The following CATSPERE variants were observed in gnomAD, a reference collection of about 807,000 sequenced individuals.
The protein encoded by CATSPERE is catsper channel auxiliary subunit epsilon, also known as cation channel sperm-associated auxiliary subunit epsilon.
In CATSPERE, 93 loss-of-function variants were observed where a neutral mutation model predicts 114.1. The ratio of observed to expected loss-of-function variants is 0.81; its 90% CI spans 0.69 to 0.97. CATSPERE has a LOEUF of 0.97. Among genes scored for constraint, CATSPERE ranks in the 50% least tolerant of loss-of-function variants. The pLI, the probability that CATSPERE is intolerant of heterozygous loss-of-function variation, is 0.00. For synonymous variants in CATSPERE, 341 were observed against 384.1 expected, an observed-to-expected ratio of 0.89 and a Z score of 1.31; for missense variants, 1,058 against 1,131.6, an observed-to-expected ratio of 0.93 and a Z score of 0.93.
intron 5 of CATSPERE, among the ~76,000 whole-genome samples, chr1:244,487,462 G>A (rs1671284313): frequency 6.6e-6 from 1 of 152,084 alleles, no homozygotes; most frequent in Non-Finnish European, 1.5e-5. Context: ...CTCTACACTG[G>A]GCCATGCTAG....
chr1:244,485,494 A>G (rs1296549258), intron 5 of CATSPERE, among the ~76,000 whole-genome samples: 1 of 151,876 alleles, frequency 6.6e-6, no homozygotes, highest in Non-Finnish European at 1.5e-5. Context: ...CTTTTTAAAT[A>G]TTCGTTCTCC....
chr1:244,492,016 CA>C (rs1308814232), intron 6 of CATSPERE, among the ~76,000 whole-genome samples: 1 of 152,068 alleles, frequency 6.6e-6, no homozygotes, highest in Non-Finnish European at 1.5e-5. Context: ...ACCTGAGGTA[CA>C]AGGAGGAGCT....
rs151174315 is a variant in CATSPERE, at chr1:244,619,073, G to A, written c.2648+1387G>A. 2.1e-3 allele frequency among the ~76,000 whole-genome samples: 321 copies of A among 152,286 alleles called. 2 individuals carry two copies. Among genetic ancestry groups the A allele is most frequent in the African/African-American group, 7.2e-3 (301 of 41,562 alleles). On this transcript the variant is annotated intron_variant, in intron 20 of 21. Coordinates refer to ENST00000366534, the MANE Select transcript of CATSPERE (RefSeq NM_001130957.2). ...GTATTGAGATAAGAGTTCTGACTTTGAATTTGAGGGGACAATGAGACATCT... is the reference window on the plus strand; with the variant it reads ...GTATTGAGATAAGAGTTCTGACTTTAAATTTGAGGGGACAATGAGACATCT...
intron 8 of CATSPERE, among the ~76,000 whole-genome samples, chr1:244,545,212 T>G (rs1016291812): frequency 6.6e-6 from 1 of 152,208 alleles, no homozygotes; most frequent in African/African-American, 2.4e-5. Context: ...TGCAGTCCAG[T>G]GGCATGAGAC....
At chr1:244,626,276 A>G (rs1036947596) in intron 20 of CATSPERE, among the ~76,000 whole-genome samples, 1 of 151,926 alleles carries the variant, frequency 6.6e-6, no homozygotes, top group South Asian at 2.1e-4. Context: ...GCCTGGGATC[A>G]GGAGTTCGAA....
chr1:244,545,154 G>GA (rs1371463057), intron 8 of CATSPERE, among the ~76,000 whole-genome samples: 7 of 152,134 alleles, frequency 4.6e-5, no homozygotes, highest in Non-Finnish European at 5.9e-5. Flanking sequence ...AAAGAGTGAA[G>GA]AAAAAATCCA....
rs375105217 is a variant in CATSPERE at position 244,560,722 on chromosome 1, G to A, written c.1084G>A (p.Gly362Arg). The A allele has an allele frequency of 1.1e-5, 17 of 1,613,470 alleles. No homozygotes were observed. The highest frequency in any genetic ancestry group is 6.6e-5 in the South Asian group (6 of 90,974). Residue 362 changes from glycine to arginine, a missense_variant, in exon 10 of 22, where the codon GGA (glycine) becomes AGA (arginine). Coordinates refer to ENST00000366534, the MANE Select transcript of CATSPERE (RefSeq NM_001130957.2). ...AVWTENEIYL[G>R]SILLKFARLV... ...CTGGACAGAAAATGAAATTTACCTC[G>A]GATCCATTCTTCTTAAGTTTGCCAG...
chr1:244,491,353 A>C (rs1672123414), intron 6 of CATSPERE, among the ~76,000 whole-genome samples: 9 of 152,198 alleles, frequency 5.9e-5, no homozygotes, highest in Admixed American at 5.9e-4. Context: ...TACTGGGTAC[A>C]TAACGAAATG....
At chr1:244,621,221 T>TTATATAGATATATC (rs1672264028) in intron 20 of CATSPERE, among the ~76,000 whole-genome samples, 1 of 69,222 alleles carries the variant, frequency 1.4e-5, no homozygotes, top group African/African-American at 7.0e-5. Flanking sequence ...ATATATATAT[T>TTATATAGATATATC]TATATAAATA....
intron 8 of CATSPERE, among the ~76,000 whole-genome samples, chr1:244,544,369 G>A (rs1031020073): frequency 2.0e-5 from 3 of 152,080 alleles, no homozygotes; most frequent in African/African-American, 2.4e-5. Flanking sequence ...ATCAGAATGC[G>A]GGCTTATGGA....
rs746126331 is a variant in CATSPERE, at chr1:244,518,575, T to A, written c.430-17T>A. ...CTATGAAAATAATAAAAAATGAAAT[T>A]TAATTTGTTTTTACAGAATTCCATA... is the stretch of plus-strand genomic sequence containing the variant. On this transcript the variant is annotated splice_polypyrimidine_tract_variant and intron_variant, in intron 7 of 21. Coordinates refer to ENST00000366534, the MANE Select transcript of CATSPERE (RefSeq NM_001130957.2). 7 of 1,408,700 alleles carry A rather than the reference T, an allele frequency of 5.0e-6. No homozygotes were observed. The highest frequency in any genetic ancestry group is 7.0e-6 in the Non-Finnish European group (7 of 999,058). The allele number at this position is 1,408,700 out of a possible 1,614,324, so 87.3% of individuals were successfully genotyped here.
chr1:244,518,660 G>T lies in CATSPERE; in HGVS notation c.498G>T (p.Lys166Asn), dbSNP rs749284761. The change falls in exon 8 of 22, where the codon AAG (lysine) becomes AAT (asparagine). Residue 166 changes from lysine (K) to asparagine (N), a missense_variant. This residue lies in a region of CATSPERE where 271 missense variants were observed against 225.9 expected (regional missense o/e 1.20). Coordinates refer to ENST00000366534, the MANE Select transcript of CATSPERE (RefSeq NM_001130957.2). ...GQKPVIHTVL[K>N]RKVYSSNEKM... Reference sequence around the variant, plus strand: ...AGCCTGTCATACATACAGTTCTGAAGAGAAAAGTTTATTCTTCAAATGAGA... The same window carrying T: ...AGCCTGTCATACATACAGTTCTGAATAGAAAAGTTTATTCTTCAAATGAGA... 2.5e-6 allele frequency: 4 copies of T among 1,585,848 alleles called. No individual in the cohort carries two copies. The highest frequency in any genetic ancestry group is 1.7e-5 in the Admixed American group (1 of 57,158).
In CATSPERE at chr1:244,508,592, C is replaced by T. The variant is rs550089707; in HGVS notation, c.429+9513C>T. Among the ~76,000 whole-genome samples the T allele has an allele frequency of 4.5e-4, 69 of 151,698 alleles. 2 individuals carry two copies. In the South Asian group the frequency reaches 0.012, roughly 27 times the overall value. On this transcript the variant is annotated intron_variant, in intron 7 of 21. Coordinates refer to ENST00000366534, the MANE Select transcript of CATSPERE (RefSeq NM_001130957.2). The stretch of plus-strand genomic sequence containing the variant: ...CTGGGATTACAGGCGTGAGCCACTG[C>T]GCCTGGCCAGAAACACTACTGTTTT...
rs1191864349 is a variant in CATSPERE at position 244,504,961 on chromosome 1, G to T, written c.429+5882G>T. ...AATATTTTTGGAATTCTTATTTTAT[G>T]GCAAACTTGTCTTATCCCTGATTTA... On this transcript the variant is annotated intron_variant, in intron 7 of 21. Coordinates refer to ENST00000366534, the MANE Select transcript of CATSPERE (RefSeq NM_001130957.2). This position sits in a 1 kb window ranked among gnomAD's most constrained non-coding sequence, Gnocchi z 4.1. Among the ~76,000 whole-genome samples, 1 of 152,028 alleles carries T rather than the reference G, an allele frequency of 6.6e-6. No individual in the cohort carries two copies. Among genetic ancestry groups the T allele is most frequent in the Non-Finnish European group, 1.5e-5 (1 of 68,016 alleles).
At chr1:244,493,834 A>G (rs1386185907) in intron 6 of CATSPERE, among the ~76,000 whole-genome samples, 7 of 152,218 alleles carry the variant, frequency 4.6e-5, no homozygotes, top group East Asian at 1.9e-4. Context: ...TATGCAGCCA[A>G]AAAACACATG....
intron 8 of CATSPERE, among the ~76,000 whole-genome samples, chr1:244,525,880 C>T (rs1217502447): frequency 6.6e-6 from 1 of 150,882 alleles, no homozygotes; most frequent in African/African-American, 2.5e-5. Context: ...GGCTTAACAA[C>T]AAAAAAAATT....
chr1:244,532,975 A>G (rs1466141897), intron 8 of CATSPERE, among the ~76,000 whole-genome samples: 1 of 147,950 alleles, frequency 6.8e-6, no homozygotes, highest in Non-Finnish European at 1.5e-5. Flanking sequence ...CTATTATTGT[A>G]TTGGGGTCTC....
At chr1:244,491,883 G>A (rs1297443461) in intron 6 of CATSPERE, among the ~76,000 whole-genome samples, 1 of 152,104 alleles carries the variant, frequency 6.6e-6, no homozygotes, top group Non-Finnish European at 1.5e-5. Context: ...ACTCTCCCAA[G>A]ACTAAACCAG....
At chr1:244,549,951 G>A (rs543347890) in intron 8 of CATSPERE, among the ~76,000 whole-genome samples, 2 of 152,234 alleles carry the variant, frequency 1.3e-5, no homozygotes, top group South Asian at 4.2e-4. Flanking sequence ...AGGACGAAAG[G>A]GCAAAAGAAG....
Sources: gnomAD v4.1 joint callset for allele counts (sites outside exome capture counted in the v4.1 genomes callset) on GRCh38, gnomAD v4.1.1 for gene constraint, gnomAD v4.1.1 regional missense constraint, Gnocchi (gnomAD v3.1) non-coding constraint, MANE v1.5 for transcripts, NCBI Gene and HGNC (gene_info 2026-07-23, HGNC 2026-07-21) for gene names.